Variants in MDGA2 observed in about 807,000 individuals in gnomAD.
The protein encoded by MDGA2 is MAM domain-containing glycosylphosphatidylinositol anchor protein 2.
Under a neutral mutation model 117.8 loss-of-function variants are expected in MDGA2, and 40 were observed. That is an observed-to-expected ratio of 0.34 (90% CI 0.26 to 0.44). The LOEUF is 0.44. MDGA2 is among the 20% of genes least tolerant of loss of function. The pLI, the probability that MDGA2 is intolerant of heterozygous loss-of-function variation, is 1.00. For synonymous variants in MDGA2, 452 were observed against 439.0 expected, an observed-to-expected ratio of 1.03 and a Z score of -0.37; for missense variants, 1,123 against 1,250.6, an observed-to-expected ratio of 0.90 and a Z score of 1.54.
intron 8 of MDGA2, among the ~76,000 whole-genome samples, chr14:46,985,264 A>T (rs1483724267): frequency 6.6e-6 from 1 of 152,126 alleles, no homozygotes; most frequent in Non-Finnish European, 1.5e-5. Context: ...AGTGATAAAA[A>T]TATAAAATAA....
chr14:47,305,228 T>C (rs1169246681), intron 1 of MDGA2: 2 of 152,226 alleles, frequency 1.3e-5, no homozygotes, highest in African/African-American at 2.4e-5. Context: ...TGCAGTTTTA[T>C]ACCTGAAGCA....
intron 3 of MDGA2, among the ~76,000 whole-genome samples, chr14:47,206,168 T>C (rs1466253158): frequency 6.6e-6 from 1 of 152,070 alleles, no homozygotes; most frequent in East Asian, 1.9e-4. Flanking sequence ...GCTCTCTTTT[T>C]CATAATATAC....
At chr14:46,984,818 G>A (rs1295264001) in intron 8 of MDGA2, among the ~76,000 whole-genome samples, 1 of 151,926 alleles carries the variant, frequency 6.6e-6, no homozygotes, top group Non-Finnish European at 1.5e-5. Context: ...TTTCCACTTT[G>A]CCCTTTCATA....
At chr14:47,199,992 C>A (rs1316820931) in intron 3 of MDGA2, among the ~76,000 whole-genome samples, 2 of 144,516 alleles carry the variant, frequency 1.4e-5, no homozygotes, top group Non-Finnish European at 3.1e-5. Context: ...ATATGTAAAC[C>A]AAATGCAATG....
At chr14:47,479,574 C>A (rs1049625228) in intron 1 of MDGA2, among the ~76,000 whole-genome samples, 1 of 152,064 alleles carries the variant, frequency 6.6e-6, no homozygotes, top group African/African-American at 2.4e-5. Flanking sequence ...TCCATAAACC[C>A]AAAGGTGTAA....
At chr14:47,157,779 T>C (rs1223371037) in intron 3 of MDGA2, among the ~76,000 whole-genome samples, 1 of 152,064 alleles carries the variant, frequency 6.6e-6, no homozygotes, top group Non-Finnish European at 1.5e-5. Context: ...CTCGTGATAA[T>C]AAGTTCTCAC....
At chr14:47,052,805 G>A (rs1379482721) in intron 7 of MDGA2, among the ~76,000 whole-genome samples, 5 of 151,740 alleles carry the variant, frequency 3.3e-5, no homozygotes, top group Admixed American at 6.6e-5. Flanking sequence ...CATAATCTGA[G>A]GATGGATGTT....
At chr14:47,539,975 T>C (rs1895304257) in intron 1 of MDGA2, among the ~76,000 whole-genome samples, 1 of 152,178 alleles carries the variant, frequency 6.6e-6, no homozygotes, top group Non-Finnish European at 1.5e-5. Flanking sequence ...TGCTCAGAAC[T>C]CTTTTCCTTA....
At chr14:47,515,268 T>C (rs1894727162) in intron 1 of MDGA2, among the ~76,000 whole-genome samples, 1 of 152,166 alleles carries the variant, frequency 6.6e-6, no homozygotes, top group African/African-American at 2.4e-5. Context: ...TTTAAGATGC[T>C]TCCCCTGGCA....
intron 1 of MDGA2, among the ~76,000 whole-genome samples, chr14:47,426,461 C>G (rs1892691457): frequency 6.6e-6 from 1 of 151,792 alleles, no homozygotes; most frequent in Admixed American, 6.6e-5. Context: ...ACAAGATGAT[C>G]TGGGTATAAC....
At chr14:47,581,710 A>T (rs1233880460) in intron 1 of MDGA2, among the ~76,000 whole-genome samples, 1 of 151,956 alleles carries the variant, frequency 6.6e-6, no homozygotes, top group Non-Finnish European at 1.5e-5. Flanking sequence ...CTTCGTGGAA[A>T]GAACATGCCC....
intron 8 of MDGA2, among the ~76,000 whole-genome samples, chr14:46,973,158 T>C (rs972071856): frequency 2.6e-5 from 4 of 152,170 alleles, no homozygotes; most frequent in Non-Finnish European, 5.9e-5. Flanking sequence ...TTTCATTCGT[T>C]GCTGGTGGAA....
At chr14:47,113,547 C>T (rs77764338) in intron 5 of MDGA2, among the ~76,000 whole-genome samples, 46 of 152,166 alleles carry the variant, frequency 3.0e-4, no homozygotes, top group African/African-American at 1.1e-3. Flanking sequence ...AGCAGTACAT[C>T]AAAAAGCTTA....
chr14:47,221,867 C>G (rs1187696072), intron 2 of MDGA2, among the ~76,000 whole-genome samples: 1 of 151,246 alleles, frequency 6.6e-6, no homozygotes, highest in Non-Finnish European at 1.5e-5. Context: ...ATTTGGGGTA[C>G]GATGTGATGT....
At chr14:47,092,898 A>T (rs112855549) in intron 6 of MDGA2, among the ~76,000 whole-genome samples, 25 of 152,234 alleles carry the variant, frequency 1.6e-4, no homozygotes, top group African/African-American at 4.3e-4. Flanking sequence ...TCATGGACTC[A>T]GGGAAACGCC....
At chr14:47,244,780 G>A (rs961638413) in intron 2 of MDGA2, among the ~76,000 whole-genome samples, 2 of 151,700 alleles carry the variant, frequency 1.3e-5, no homozygotes, top group Non-Finnish European at 2.9e-5. Context: ...TTCTGTGTCT[G>A]TATATTTTTA....
chr14:47,103,271 C>T (rs1356165743), intron 5 of MDGA2, among the ~76,000 whole-genome samples: 1 of 152,142 alleles, frequency 6.6e-6, no homozygotes, highest in Non-Finnish European at 1.5e-5. Flanking sequence ...CTAGTCACTT[C>T]ACTGTGATGA....
At chr14:47,572,249 C>T (rs986814445) in intron 1 of MDGA2, among the ~76,000 whole-genome samples, 1 of 152,082 alleles carries the variant, frequency 6.6e-6, no homozygotes, top group African/African-American at 2.4e-5. Context: ...CTATGAACAA[C>T]AATTTTGACT....
chr14:46,842,837 A>AAC (rs1341577540), intron 16 of MDGA2, among the ~76,000 whole-genome samples: 1 of 152,228 alleles, frequency 6.6e-6, no homozygotes, highest in Non-Finnish European at 1.5e-5. Flanking sequence ...GCCTGGAAAG[A>AAC]ACTGGCAGCC....
Sources: gnomAD v4.1 joint callset for allele counts (sites outside exome capture counted in the v4.1 genomes callset) on GRCh38, gnomAD v4.1.1 for gene constraint, MANE v1.5 for transcripts, NCBI Gene and HGNC (gene_info 2026-07-23, HGNC 2026-07-21) for gene names.